The following RDX variants were observed in gnomAD, a reference collection of about 807,000 sequenced individuals.
RDX encodes the protein radixin.
In RDX, 32 loss-of-function variants were observed where a neutral mutation model predicts 83.7. The ratio of observed to expected loss-of-function variants is 0.38; its 90% CI spans 0.29 to 0.51. The LOEUF is 0.51. Ranked by LOEUF, RDX falls within the 20% of genes least tolerant of loss-of-function variation. The probability of loss-of-function intolerance (pLI) is 0.87; values close to 1 mark genes in which losing one functional copy is unlikely to be tolerated. For missense variants in RDX, 600 were observed against 689.9 expected (o/e 0.87, Z 1.46); for synonymous variants, 229 against 222.7 (o/e 1.03, Z -0.25).
chr11:110,292,721 T>G (rs904110042), intron 1 of RDX, among the ~76,000 whole-genome samples: 9 of 152,106 alleles, frequency 5.9e-5, no homozygotes, highest in Non-Finnish European at 1.2e-4. Context: ...AACAGTCCAT[T>G]ATCTCAATTA....
chr11:110,189,243 T>TTAAAAAAAAAAAAA (rs1491576666), intron 15 of RDX, among the ~76,000 whole-genome samples: 41 of 35,600 alleles, frequency 1.2e-3, no homozygotes, highest in East Asian at 2.1e-3. Context: ...GAACAACAGG[T>TTAAAAAAAAAAAAA]AAAAAAAAAA....
chr11:110,268,982 T>TA (rs912029523), intron 3 of RDX, among the ~76,000 whole-genome samples: 20 of 148,978 alleles, frequency 1.3e-4, no homozygotes, highest in Non-Finnish European at 2.2e-4. Context: ...TATATATATA[T>TA]TTTTTTAATT....
Position 110,230,781 on chromosome 11 carries a change from A to C in RDX, c.*1088T>G, listed in dbSNP as rs533846123. On this transcript the variant is annotated 3_prime_UTR_variant, in exon 14 of 14. Transcript: ENST00000645495. ...CTTAAGATATTCTGAAGGAAAATGAAATTTCGAAAGTATTTCTTGATGATC... is the reference window on the plus strand; with the variant it reads ...CTTAAGATATTCTGAAGGAAAATGACATTTCGAAAGTATTTCTTGATGATC... The C allele has an allele frequency of 1.8e-4, 27 of 152,714 alleles. No individual in the cohort carries two copies. Among genetic ancestry groups the C allele is most frequent in the African/African-American group, 6.3e-4 (26 of 41,552 alleles). 9.5% of individuals were successfully genotyped at this position (152,714 alleles called of 1,614,324 possible).
In RDX at chr11:110,189,151, T is replaced by C. The variant is rs578140988; in HGVS notation, c.*31+10430A>G. Among the ~76,000 whole-genome samples, 8 of 149,674 alleles carry C rather than the reference T, an allele frequency of 5.3e-5. No homozygotes were observed. The South Asian group carries it at 8.5e-4, about 16-fold the overall frequency. On this transcript the variant is annotated intron_variant, in intron 15 of 15. Coordinates refer to the RDX transcript ENST00000528498. ...CACCCATAGGTTCAAAGTAAAGGGT[T>C]GGAGGAAGATCTATCATGCAAATGG... is the stretch of plus-strand genomic sequence containing the variant.
intron 9 of RDX, among the ~76,000 whole-genome samples, chr11:110,248,754 G>C (rs1859212736): frequency 6.6e-6 from 1 of 152,066 alleles, no homozygotes; most frequent in Admixed American, 6.5e-5. Flanking sequence ...AAATAATAAA[G>C]GACTGAAGGG....
At chr11:110,178,151 A>G (rs1862814099) in intron 15 of RDX, among the ~76,000 whole-genome samples, 1 of 152,008 alleles carries the variant, frequency 6.6e-6, no homozygotes, top group African/African-American at 2.4e-5. Flanking sequence ...GATAACCTCC[A>G]TCTCTGCTTC....
At chr11:110,243,212 A>C (rs1228656337) in intron 10 of RDX, among the ~76,000 whole-genome samples, 2 of 152,210 alleles carry the variant, frequency 1.3e-5, no homozygotes, top group African/African-American at 2.4e-5. Context: ...AATATTCCAA[A>C]ATTTTAAAAA....
In RDX at chr11:110,198,284, CA is replaced by C. The variant is rs34264175; in HGVS notation, c.*31+1296del. On this transcript the variant is annotated intron_variant, in intron 15 of 15. Coordinates refer to the RDX transcript ENST00000528498. Reference sequence around the variant, plus strand: ...ATGGGATGAGTCAAATAGTCTCTGCCAAAAAAAAAAAGAATTTAAAAACCTG... The same window carrying C: ...ATGGGATGAGTCAAATAGTCTCTGCCAAAAAAAAAAGAATTTAAAAACCTG... Among the ~76,000 whole-genome samples, 982 of 140,938 alleles carry C rather than the reference CA, an allele frequency of 7.0e-3. 16 individuals carry two copies. The highest frequency in any genetic ancestry group is 0.022 in the African/African-American group (842 of 37,974). The allele number at this position is 140,938 out of a possible 152,430, so 92.5% of individuals were successfully genotyped here.
intron 1 of RDX, among the ~76,000 whole-genome samples, chr11:110,292,597 TCA>T (rs1163937645): frequency 6.6e-6 from 1 of 152,114 alleles, no homozygotes; most frequent in Non-Finnish European, 1.5e-5. Context: ...AGCGCTCACT[TCA>T]CAAATTTACC....
intron 14 of RDX, among the ~76,000 whole-genome samples, chr11:110,223,067 T>G (rs533341263): frequency 1.3e-5 from 2 of 152,180 alleles, no homozygotes; most frequent in South Asian, 4.2e-4. Flanking sequence ...ACACAAATTT[T>G]AGGCTGGGCA....
intron 15 of RDX, among the ~76,000 whole-genome samples, chr11:110,177,915 GC>G (rs1164452928): frequency 1.3e-5 from 2 of 152,014 alleles, no homozygotes; most frequent in East Asian, 3.9e-4. Flanking sequence ...CATTCCCTGT[GC>G]CCTCCCCGAC....
intron 14 of RDX, among the ~76,000 whole-genome samples, chr11:110,210,884 C>T (rs1863809236): frequency 6.6e-6 from 1 of 152,066 alleles, no homozygotes; most frequent in Admixed American, 6.6e-5. Flanking sequence ...ATTGCAAAAT[C>T]ATGCCAAAAT....
At chr11:110,264,283 T>G in intron 4 of RDX, 49 bp from the exon 5 acceptor site, 1 of 1,249,930 alleles carries the variant, frequency 8.0e-7, no homozygotes. Context: ...AAGTTTACAA[T>G]AATTAGACCT....
At chr11:110,243,107 G>A (rs928795733) in intron 10 of RDX, among the ~76,000 whole-genome samples, 1 of 151,992 alleles carries the variant, frequency 6.6e-6, no homozygotes, top group African/African-American at 2.4e-5. Flanking sequence ...TAAATTTTTT[G>A]AGCATTTGCA....
At position 110,233,477 on chromosome 11, in the gene RDX, A is replaced by G. The variant is rs571927704; in HGVS notation, c.1347T>C (p.Ala449=). ...EEEATEWQHK[A]FAAQEDLEKT... is the part of the protein sequence containing the mutation. ...TTTCCAAGTCTTCCTGGGCTGCAAA[A>G]GCCTGAACATTAAAAATACGTTTAT... The change falls in exon 13 of 14, where the codon GCT becomes GCC. Residue 449 remains alanine (A), a splice_region_variant and synonymous_variant. Coordinates refer to ENST00000645495, the MANE Select transcript of RDX (RefSeq NM_002906.4). 6.2e-7 allele frequency: 1 copy of G among 1,614,140 alleles called. No homozygotes were observed. Among genetic ancestry groups the G allele is most frequent in the African/African-American group, 1.3e-5 (1 of 75,042 alleles).
intron 1 of RDX, among the ~76,000 whole-genome samples, chr11:110,285,504 A>C (rs2134438529): frequency 6.6e-6 from 1 of 152,288 alleles, no homozygotes; most frequent in East Asian, 1.9e-4. Flanking sequence ...ACTTAAGGTC[A>C]GGAGTTCGAG....
chr11:110,284,633 G>A (rs1024571675), intron 1 of RDX, among the ~76,000 whole-genome samples: 4 of 151,446 alleles, frequency 2.6e-5, no homozygotes, highest in African/African-American at 9.7e-5. Flanking sequence ...CCATTCTCCT[G>A]CCTCAGCCTC....
downstream of RDX, among the ~76,000 whole-genome samples, chr11:110,225,484 C>T (rs1353819603): frequency 6.6e-6 from 1 of 151,750 alleles, no homozygotes; most frequent in Non-Finnish European, 1.5e-5. Flanking sequence ...ATATAAATGG[C>T]CAATAAACAC....
chr11:110,261,036 T>G (rs1482613574), intron 5 of RDX, among the ~76,000 whole-genome samples: 6 of 152,350 alleles, frequency 3.9e-5, no homozygotes, highest in Middle Eastern at 3.4e-3. Flanking sequence ...CTCATTTTTA[T>G]GTACTTGGTA....
Sources: gnomAD v4.1 joint callset for allele counts (sites outside exome capture counted in the v4.1 genomes callset) on GRCh38, gnomAD v4.1.1 for gene constraint, MANE v1.5 for transcripts, NCBI Gene and HGNC (gene_info 2026-07-23, HGNC 2026-07-21) for gene names.